Variants in RYR3 observed in about 807,000 individuals in gnomAD.
RYR3 encodes the protein ryanodine receptor 3.
RYR3 carries 207 observed loss-of-function variants against 584.3 expected under a neutral mutation model. The observed-to-expected ratio is 0.35, with a 90% CI of 0.32 to 0.40. RYR3 has a LOEUF of 0.40. RYR3 is among the 10% of genes least tolerant of loss of function. The probability of loss-of-function intolerance (pLI) is 1.00; values close to 1 mark genes in which losing one functional copy is unlikely to be tolerated. For missense variants in RYR3, 5,616 were observed against 6,089.2 expected, an observed-to-expected ratio of 0.92 and a Z score of 2.59; for synonymous variants, 2,416 against 2,248.5, an observed-to-expected ratio of 1.07 and a Z score of -2.11.
Position 33,701,358 on chromosome 15 carries a change from G to C in RYR3, c.6483+278G>C, listed in dbSNP as rs140508763. On this transcript the variant is annotated intron_variant, in intron 42 of 103. Coordinates refer to ENST00000634891, the MANE Select transcript of RYR3 (RefSeq NM_001036.6). ...CGTTGGTCTACATGGAACATTACCAGATGCCGGTGGTTCCTAATAAAGTTC... is the reference window on the plus strand; with the variant it reads ...CGTTGGTCTACATGGAACATTACCACATGCCGGTGGTTCCTAATAAAGTTC... Among the ~76,000 whole-genome samples, 35 of 152,316 alleles carry C rather than the reference G, an allele frequency of 2.3e-4. No individual in the cohort carries two copies. In the Middle Eastern group the frequency reaches 0.01, roughly 44 times the overall value.
Position 33,540,860 on chromosome 15 carries a change from C to T in RYR3, c.616C>T (p.Pro206Ser), listed in dbSNP as rs1567488457. The change falls in exon 7 of 104, where the codon CCT becomes TCT. Residue 206 changes from proline (P) to serine (S), a missense_variant. By Grantham distance (74) the Pro-to-Ser change is moderately conservative. Transcript: ENST00000634891. ...SFMQTLWNVH[P>S]TCSGSSIEEG... ...TATGCAAACACTCTGGAATGTACAT[C>T]CTACGTGCTCAGGAAGTAGCATCGA... 1 of 1,612,360 alleles carries T rather than the reference C, an allele frequency of 6.2e-7. No homozygotes were observed. The highest frequency in any genetic ancestry group is 8.5e-7 in the Non-Finnish European group (1 of 1,178,550).
intron 10 of RYR3, among the ~76,000 whole-genome samples, chr15:33,556,744 A>G (rs1471428289): frequency 1.3e-5 from 2 of 152,056 alleles, no homozygotes; most frequent in African/African-American, 4.8e-5. Flanking sequence ...CCCTTTTACT[A>G]GAAAGCCAAT....
intron 2 of RYR3, among the ~76,000 whole-genome samples, chr15:33,492,261 G>A (rs1392132689): frequency 2.6e-5 from 4 of 152,126 alleles, no homozygotes; most frequent in Admixed American, 2.6e-4. Context: ...GTATGAGACA[G>A]TTGGAGGGGA....
chr15:33,613,416 C>A (rs781765199), intron 19 of RYR3, 41 bp downstream of exon 19: 2 of 1,541,502 alleles, frequency 1.3e-6, no homozygotes, highest in South Asian at 1.3e-5. Context: ...AGCAGTTACC[C>A]CACCTCCCCG....
intron 1 of RYR3, among the ~76,000 whole-genome samples, chr15:33,411,347 C>T (rs1279559228): frequency 6.6e-6 from 1 of 152,206 alleles, no homozygotes; most frequent in Non-Finnish European, 1.5e-5. Context: ...GTAACACAGG[C>T]AGCTGTGCAG....
At position 33,313,115 on chromosome 15, in the gene RYR3, G is replaced by T. The variant is rs545209442; in HGVS notation, c.51+2019G>T. On this transcript the variant is annotated intron_variant, in intron 1 of 103. Transcript: ENST00000634891. Reference sequence around the variant, plus strand: ...CAGTGACTCCAAATGTGGCGTTATTGGTTCTTTTCCTTCTAGTTATCACCT... The same window carrying T: ...CAGTGACTCCAAATGTGGCGTTATTTGTTCTTTTCCTTCTAGTTATCACCT... Among the ~76,000 whole-genome samples the T allele has an allele frequency of 3.2e-4, 49 of 152,266 alleles. 1 individual carries two copies. The highest frequency in any genetic ancestry group is 1.2e-3 in the African/African-American group (49 of 41,546).
rs532969144 is a variant in RYR3, at chr15:33,771,405, G to C, written c.8817-515G>C. On this transcript the variant is annotated intron_variant, in intron 62 of 103. Coordinates refer to ENST00000634891, the MANE Select transcript of RYR3 (RefSeq NM_001036.6). ...AAAAATTAGCTGGGCGTGGTGGCGG[G>C]TGCCTGTAATCCCAGCTACTCGGGA... 1.5e-4 allele frequency among the ~76,000 whole-genome samples: 22 copies of C among 151,338 alleles called. 1 individual carries two copies. In the South Asian group the frequency reaches 3.8e-3, roughly 26 times the overall value.
In RYR3 at chr15:33,854,796, A is replaced by C. The variant is rs898508812; in HGVS notation, c.13891A>C (p.Met4631Leu). Residue 4631 changes from methionine (M) to leucine (L), a missense_variant, in exon 98 of 104, where the codon ATG (methionine) becomes CTG (leucine). Coordinates refer to ENST00000634891, the MANE Select transcript of RYR3 (RefSeq NM_001036.6). ...SFLYLAWYTT[M>L]SVLGHYNNFF... ...TCTCTACCTTGCCTGGTATACAACCATGTCAGTCCTGGGCCACTACAATAA... is the reference window on the plus strand; with the variant it reads ...TCTCTACCTTGCCTGGTATACAACCCTGTCAGTCCTGGGCCACTACAATAA... 7.4e-6 allele frequency: 12 copies of C among 1,613,000 alleles called. No individual in the cohort carries two copies. The highest frequency in any genetic ancestry group is 1.0e-5 in the Non-Finnish European group (12 of 1,179,584).
At chr15:33,795,350 C>A (rs2075537224) in intron 67 of RYR3, among the ~76,000 whole-genome samples, 1 of 148,392 alleles carries the variant, frequency 6.7e-6, no homozygotes, top group Admixed American at 6.7e-5. Context: ...AGATAAAAAT[C>A]AAGAAGTATT....
At chr15:33,577,473 A>C (rs1464189388) in intron 12 of RYR3, among the ~76,000 whole-genome samples, 1 of 152,210 alleles carries the variant, frequency 6.6e-6, no homozygotes, top group Non-Finnish European at 1.5e-5. Context: ...GCACATCTAC[A>C]ACCATCTGAT....
intron 98 of RYR3, 109 bp from the exon 99 acceptor site, chr15:33,857,671 C>T: frequency 7.1e-7 from 1 of 1,408,410 alleles, no homozygotes; most frequent in South Asian, 1.3e-5. Flanking sequence ...CCCATTTCCT[C>T]TCCTTGCCCG....
intron 69 of RYR3, among the ~76,000 whole-genome samples, chr15:33,804,278 G>A (rs748142953): frequency 4.6e-5 from 7 of 152,240 alleles, no homozygotes; most frequent in Admixed American, 3.3e-4. Flanking sequence ...ACGAATGGAT[G>A]AGAGGACACT....
intron 1 of RYR3, among the ~76,000 whole-genome samples, chr15:33,357,510 C>G (rs1478989738): frequency 6.6e-6 from 1 of 152,044 alleles, no homozygotes; most frequent in Non-Finnish European, 1.5e-5. Flanking sequence ...AAATCAGAAC[C>G]CTGTTCTCCA....
chr15:33,533,999 C>T (rs1218552970), intron 5 of RYR3, among the ~76,000 whole-genome samples: 8 of 152,078 alleles, frequency 5.3e-5, no homozygotes, highest in Admixed American at 5.2e-4. Flanking sequence ...ATAATGAAAA[C>T]CATGTCATTA....
At chr15:33,388,007 C>T (rs1164438533) in intron 1 of RYR3, among the ~76,000 whole-genome samples, 1 of 152,102 alleles carries the variant, frequency 6.6e-6, no homozygotes. Context: ...AAGGGAGCCA[C>T]TTAATGTCTA....
intron 1 of RYR3, among the ~76,000 whole-genome samples, chr15:33,312,205 C>T (rs1423390538): frequency 7.2e-5 from 11 of 152,208 alleles, no homozygotes; most frequent in Admixed American, 7.2e-4. Flanking sequence ...TTCCCTCTCT[C>T]ACTTCCCTTT....
chr15:33,315,915 A>G (rs935414540), intron 1 of RYR3, among the ~76,000 whole-genome samples: 4 of 152,216 alleles, frequency 2.6e-5, no homozygotes, highest in Middle Eastern at 3.2e-3. Flanking sequence ...GGCCCACTGT[A>G]TAAGGACTGA....
At chr15:33,433,316 T>C (rs2045367278) in intron 1 of RYR3, among the ~76,000 whole-genome samples, 1 of 152,198 alleles carries the variant, frequency 6.6e-6, no homozygotes, top group Non-Finnish European at 1.5e-5. Flanking sequence ...TAGTATCAAA[T>C]GTTAGGCATG....
chr15:33,680,594 C>A (rs1177929251), intron 38 of RYR3, among the ~76,000 whole-genome samples: 2 of 152,206 alleles, frequency 1.3e-5, no homozygotes, highest in Non-Finnish European at 2.9e-5. Context: ...CTTTTGATTA[C>A]AAAAACTTGG....
Sources: gnomAD v4.1 joint callset for allele counts (sites outside exome capture counted in the v4.1 genomes callset) on GRCh38, gnomAD v4.1.1 for gene constraint, MANE v1.5 for transcripts, NCBI Gene and HGNC (gene_info 2026-07-23, HGNC 2026-07-21) for gene names.